MAGI3: variants seen among roughly 807,000 people sequenced by gnomAD.
The protein encoded by MAGI3 is membrane-associated guanylate kinase, WW and PDZ domain-containing protein 3.
A neutral mutation model predicts 121.8 loss-of-function variants in MAGI3; 43 were observed. The observed-to-expected ratio is 0.35, with a 90% CI of 0.28 to 0.46. MAGI3 has a LOEUF of 0.46. MAGI3 is among the 20% of genes least tolerant of loss of function. The pLI is 1.00. For missense variants in MAGI3, 1,547 were observed against 1,797.3 expected (o/e 0.86, Z 2.52); for synonymous variants, 553 against 639.3 (o/e 0.86, Z 2.04).
intron 6 of MAGI3, among the ~76,000 whole-genome samples, chr1:113,610,197 G>T (rs1182222792): frequency 6.6e-6 from 1 of 151,972 alleles, no homozygotes; most frequent in South Asian, 2.1e-4. Context: ...GCAGTGGCGC[G>T]ATCTCGGCTC....
intron 2 of MAGI3, 138 bp from the exon 3 acceptor site, chr1:113,580,404 A>T: frequency 1.5e-6 from 1 of 646,076 alleles, no homozygotes; most frequent in Non-Finnish European, 2.4e-6. Context: ...TTATCTGTGA[A>T]TTTTACCTTA....
chr1:113,603,570 A>G (rs887780458), intron 6 of MAGI3, among the ~76,000 whole-genome samples: 8 of 152,150 alleles, frequency 5.3e-5, no homozygotes, highest in African/African-American at 1.9e-4. Flanking sequence ...ACTATAGACC[A>G]GTATCCCTGA....
intron 1 of MAGI3, among the ~76,000 whole-genome samples, chr1:113,524,197 G>T (rs893639434): frequency 1.3e-5 from 2 of 152,176 alleles, no homozygotes; most frequent in African/African-American, 4.8e-5. Context: ...TTGCTGCGGG[G>T]ATGGGGCACT....
chr1:113,531,750 G>A (rs755732068), intron 1 of MAGI3, among the ~76,000 whole-genome samples: 2 of 151,600 alleles, frequency 1.3e-5, no homozygotes, highest in Non-Finnish European at 2.9e-5. Context: ...GCGGGGACAG[G>A]GTACCTTTCT....
intron 6 of MAGI3, 152 bp downstream of exon 6, chr1:113,594,712 G>T: frequency 2.0e-6 from 1 of 493,968 alleles, no homozygotes. Flanking sequence ...ACTGATTGTG[G>T]TAATTATGTC....
At chr1:113,558,232 T>C (rs1660079614) in intron 2 of MAGI3, among the ~76,000 whole-genome samples, 1 of 152,138 alleles carries the variant, frequency 6.6e-6, no homozygotes, top group Admixed American at 6.5e-5. Flanking sequence ...ATGAGAGAAG[T>C]AGGCTTTAGA....
At chr1:113,674,827 G>T (rs1039780998) in intron 19 of MAGI3, among the ~76,000 whole-genome samples, 2 of 152,138 alleles carry the variant, frequency 1.3e-5, no homozygotes, top group Admixed American at 1.3e-4. Context: ...CCCTCAAAAT[G>T]ACCAGACACA....
chr1:113,599,354 T>C (rs939839203), intron 6 of MAGI3, among the ~76,000 whole-genome samples: 1 of 151,128 alleles, frequency 6.6e-6, no homozygotes, highest in Non-Finnish European at 1.5e-5. Flanking sequence ...GAGAGAAGAA[T>C]CAAATAGATG....
intron 16 of MAGI3, among the ~76,000 whole-genome samples, chr1:113,662,329 CAT>C (rs779721019): frequency 6.6e-6 from 1 of 152,194 alleles, no homozygotes; most frequent in Non-Finnish European, 1.5e-5. Context: ...TGTTCTCTAT[CAT>C]ATGGCATTCC....
chr1:113,510,151 G>C (rs1321109376), intron 1 of MAGI3, among the ~76,000 whole-genome samples: 1 of 152,020 alleles, frequency 6.6e-6, no homozygotes, highest in African/African-American at 2.4e-5. Flanking sequence ...TGTTTTTCGT[G>C]CATAAAAAAT....
intron 1 of MAGI3, among the ~76,000 whole-genome samples, chr1:113,468,175 T>C (rs1447648554): frequency 1.3e-5 from 2 of 152,202 alleles, no homozygotes; most frequent in Non-Finnish European, 2.9e-5. Context: ...GTTCAGCCAG[T>C]CTTTGCCTTT....
chr1:113,614,644 G>A lies in MAGI3; in HGVS notation c.1062G>A (p.Gly354=), dbSNP rs759442287. ...AGAAAATAGAGGACCCTCAGTATGGGACATACTATGTTGAGTAAGTTTGTT... is the reference window on the plus strand; with the variant it reads ...AGAAAATAGAGGACCCTCAGTATGGAACATACTATGTTGAGTAAGTTTGTT... ...GWEKIEDPQY[G]TYYVDHLNQK... is the part of the protein sequence containing the mutation. The change falls in exon 7 of 21, where the codon GGG becomes GGA. Residue 354 remains glycine, a synonymous_variant. Coordinates refer to ENST00000307546, the MANE Select transcript of MAGI3 (RefSeq NM_001142782.2). 3 of 1,605,382 alleles carry A rather than the reference G, an allele frequency of 1.9e-6. No individual in the cohort carries two copies. The highest frequency in any genetic ancestry group is 4.5e-5 in the East Asian group (2 of 44,718).
intron 4 of MAGI3, among the ~76,000 whole-genome samples, chr1:113,589,631 G>A (rs2101733634): frequency 6.6e-6 from 1 of 152,114 alleles, no homozygotes; most frequent in African/African-American, 2.4e-5. Context: ...AGAATGGTTG[G>A]AGTTGAAATA....
intron 1 of MAGI3, among the ~76,000 whole-genome samples, chr1:113,478,623 G>A (rs530874841): frequency 2.2e-4 from 34 of 152,210 alleles, no homozygotes; most frequent in African/African-American, 8.2e-4. Flanking sequence ...TGGAAGCTTC[G>A]TCCCAGAGGG....
At chr1:113,446,766 T>G (rs989760361) in intron 1 of MAGI3, among the ~76,000 whole-genome samples, 2 of 152,144 alleles carry the variant, frequency 1.3e-5, no homozygotes, top group Non-Finnish European at 2.9e-5. Flanking sequence ...TAAATCAAAA[T>G]GTTGTAAGAG....
At chr1:113,571,583 A>G (rs1647293349) in intron 2 of MAGI3, among the ~76,000 whole-genome samples, 1 of 152,122 alleles carries the variant, frequency 6.6e-6, no homozygotes, top group South Asian at 2.1e-4. Flanking sequence ...AGTGGTTTGT[A>G]GTTCTCCTTG....
At chr1:113,558,193 A>G (rs779472610) in intron 2 of MAGI3, among the ~76,000 whole-genome samples, 10 of 152,244 alleles carry the variant, frequency 6.6e-5, no homozygotes, top group Non-Finnish European at 1.3e-4. Context: ...GCAAGGTCTC[A>G]GAACCAGGCT....
chr1:113,641,778 A>C, intron 9 of MAGI3, 133 bp from the exon 10 acceptor site: 3 of 687,482 alleles, frequency 4.4e-6, no homozygotes, highest in Non-Finnish European at 6.9e-6. Flanking sequence ...TTAGAAATCT[A>C]TCTTTTCAGC....
chr1:113,575,119 C>G (rs1306677030), intron 2 of MAGI3, among the ~76,000 whole-genome samples: 3 of 152,122 alleles, frequency 2.0e-5, no homozygotes, highest in African/African-American at 7.2e-5. Flanking sequence ...AGCTTCCTTG[C>G]ATTGGGTTAG....
Sources: gnomAD v4.1 joint callset for allele counts (sites outside exome capture counted in the v4.1 genomes callset) on GRCh38, gnomAD v4.1.1 for gene constraint, MANE v1.5 for transcripts, NCBI Gene and HGNC (gene_info 2026-07-23, HGNC 2026-07-21) for gene names.